The following C12orf42 variants were observed in gnomAD, a reference collection of about 807,000 sequenced individuals.
C12orf42 encodes the protein chromosome 12 open reading frame 42.
Under a neutral mutation model 21.6 loss-of-function variants are expected in C12orf42, and 25 were observed. The ratio of observed to expected loss-of-function variants is 1.16; its 90% CI spans 0.84 to 1.62. C12orf42 has a LOEUF of 1.62. Ranked by LOEUF, C12orf42 falls within the 40% of genes most tolerant of loss-of-function variation. The probability of loss-of-function intolerance (pLI) is 0.00; values close to 1 mark genes in which losing one functional copy is unlikely to be tolerated. For synonymous variants in C12orf42, 174 were observed against 175.0 expected (o/e 0.99, Z 0.05); for missense variants, 483 against 459.3 (o/e 1.05, Z -0.47).
chr12:103,177,089 G>C, the C12orf42 span, among the ~76,000 whole-genome samples: 1 of 151,650 alleles, frequency 6.6e-6, no homozygotes, highest in Admixed American at 6.6e-5. Context: ...GATAGCACTT[G>C]CCTGAACTAT....
At chr12:103,241,488 CTTA>C (rs2033743534) in intron 10 of C12orf42, among the ~76,000 whole-genome samples, 1 of 152,108 alleles carries the variant, frequency 6.6e-6, no homozygotes. Context: ...TCCTATTTAC[CTTA>C]TAAAAGTGGA....
the C12orf42 span, among the ~76,000 whole-genome samples, chr12:103,228,230 C>G: frequency 6.6e-6 from 1 of 151,626 alleles, no homozygotes; most frequent in African/African-American, 2.4e-5. Flanking sequence ...AAGGGTGGGG[C>G]CATTTTATAG....
chr12:103,187,395 T>C, the C12orf42 span, among the ~76,000 whole-genome samples: 3 of 152,198 alleles, frequency 2.0e-5, no homozygotes, highest in South Asian at 6.2e-4. Flanking sequence ...AGGATTCAAA[T>C]ACAGGCTGTC....
At chr12:103,486,388 A>G (rs1475177296) in intron 1 of C12orf42, among the ~76,000 whole-genome samples, 6 of 152,112 alleles carry the variant, frequency 3.9e-5, no homozygotes, top group Non-Finnish European at 7.4e-5. Context: ...TATTTTATTG[A>G]GGATTTTTGC....
At chr12:103,151,452 A>G in the C12orf42 span, among the ~76,000 whole-genome samples, 2 of 152,194 alleles carry the variant, frequency 1.3e-5, no homozygotes, top group African/African-American at 4.8e-5. Flanking sequence ...ACAGATCAAT[A>G]TATTTTATAC....
chr12:103,285,397 T>C (rs2036380715), intron 4 of C12orf42, among the ~76,000 whole-genome samples: 1 of 152,222 alleles, frequency 6.6e-6, no homozygotes, highest in Non-Finnish European at 1.5e-5. Context: ...GAACTTGGAT[T>C]AGGGCTTAGA....
the C12orf42 span, among the ~76,000 whole-genome samples, chr12:103,220,066 G>A: frequency 3.3e-5 from 5 of 152,182 alleles, no homozygotes; most frequent in African/African-American, 1.2e-4. Flanking sequence ...ATACATCATG[G>A]AATATTATGC....
intron 4 of C12orf42, among the ~76,000 whole-genome samples, chr12:103,295,998 T>G (rs2037248526): frequency 6.8e-6 from 1 of 146,126 alleles, no homozygotes; most frequent in Non-Finnish European, 1.5e-5. Context: ...TATCTCCCAA[T>G]GCTATCCCTC....
At chr12:103,225,891 G>A in the C12orf42 span, among the ~76,000 whole-genome samples, 9 of 152,160 alleles carry the variant, frequency 5.9e-5, no homozygotes, top group African/African-American at 1.7e-4. Flanking sequence ...CCCGAAGCTC[G>A]GCGTCCGTGT....
chr12:103,505,975 G>T, the C12orf42 span: 1 of 171,372 alleles, frequency 5.8e-6, no homozygotes, highest in South Asian at 1.4e-4. Flanking sequence ...GTTTGCTCAG[G>T]CGGGATACCT....
At chr12:103,374,109 T>A (rs1348188063) in intron 3 of C12orf42, among the ~76,000 whole-genome samples, 7 of 152,210 alleles carry the variant, frequency 4.6e-5, no homozygotes, top group Non-Finnish European at 8.8e-5. Flanking sequence ...AAGCCTTTAG[T>A]CACTCTCTTA....
At chr12:103,065,140 C>T in the C12orf42 span, among the ~76,000 whole-genome samples, 1 of 152,190 alleles carries the variant, frequency 6.6e-6, no homozygotes, top group Non-Finnish European at 1.5e-5. Context: ...AGACTAGTGA[C>T]ACCATCAAGG....
chr12:103,060,342 A>G, the C12orf42 span, among the ~76,000 whole-genome samples: 1 of 152,210 alleles, frequency 6.6e-6, no homozygotes, highest in Non-Finnish European at 1.5e-5. Flanking sequence ...AAACAAATGA[A>G]AAAACATTCC....
the C12orf42 span, among the ~76,000 whole-genome samples, chr12:103,214,347 G>T: frequency 1.3e-5 from 2 of 152,074 alleles, no homozygotes; most frequent in African/African-American, 4.8e-5. Context: ...GATGCTTCAC[G>T]AAGGCTTGTT....
chr12:103,443,391 A>T (rs996749344), intron 2 of C12orf42, among the ~76,000 whole-genome samples: 1 of 152,038 alleles, frequency 6.6e-6, no homozygotes, highest in African/African-American at 2.4e-5. Context: ...CAAATAAGGA[A>T]AATTAGTGCA....
the C12orf42 span, among the ~76,000 whole-genome samples, chr12:103,193,201 A>G: frequency 6.6e-6 from 1 of 152,044 alleles, no homozygotes; most frequent in African/African-American, 2.4e-5. Flanking sequence ...ACAAAAATAA[A>G]AACAACATAC....
At chr12:103,111,037 T>G in the C12orf42 span, among the ~76,000 whole-genome samples, 2 of 152,328 alleles carry the variant, frequency 1.3e-5, no homozygotes, top group Admixed American at 1.3e-4. Context: ...ATGTTTTAAC[T>G]GCCAGGAAAC....
At chr12:103,208,288 C>T in the C12orf42 span, among the ~76,000 whole-genome samples, 1 of 152,230 alleles carries the variant, frequency 6.6e-6, no homozygotes, top group Non-Finnish European at 1.5e-5. Flanking sequence ...TACCAAGCCA[C>T]TAGCTTTATC....
rs1172061276 is a variant in C12orf42 at position 103,294,459 on chromosome 12, A to T, written n.338-17249T>A. ...GAAAGAAAGAAAGAAAGAAAGAAAGAAAGAAAGAAAGAAATAAGCAAGCAA... is the reference window on the plus strand; with the variant it reads ...GAAAGAAAGAAAGAAAGAAAGAAAGTAAGAAAGAAAGAAATAAGCAAGCAA... On this transcript the variant is annotated intron_variant and non_coding_transcript_variant, in intron 4 of 6. Transcript: ENST00000546526. Among the ~76,000 whole-genome samples, 71 of 132,178 alleles carry T rather than the reference A, an allele frequency of 5.4e-4. 1 individual carries two copies. Among genetic ancestry groups the T allele is most frequent in the African/African-American group, 1.8e-3 (56 of 30,348 alleles). 86.7% of individuals were successfully genotyped at this position (132,178 alleles called of 152,430 possible).
Sources: allele counts gnomAD v4.1 joint callset (sites outside exome capture counted in the v4.1 genomes callset), GRCh38; gene constraint gnomAD v4.1.1; transcripts MANE v1.5; gene names NCBI Gene and HGNC (gene_info 2026-07-23, HGNC 2026-07-21).